KLHL1: variants seen among roughly 807,000 people sequenced by gnomAD.
The protein encoded by KLHL1 is kelch-like protein 1.
KLHL1 carries 47 observed loss-of-function variants against 77.7 expected under a neutral mutation model. That is an observed-to-expected ratio of 0.60 (90% CI 0.48 to 0.77). KLHL1 has a LOEUF of 0.77. Ranked by LOEUF, KLHL1 falls within the 30% of genes least tolerant of loss-of-function variation. KLHL1 has a pLI of 0.00. For missense variants in KLHL1, 925 were observed against 910.8 expected (o/e 1.02, Z -0.20); for synonymous variants, 360 against 325.2 (o/e 1.11, Z -1.15).
At chr13:69,789,513 C>T (rs2138024119) in intron 7 of KLHL1, among the ~76,000 whole-genome samples, 1 of 151,972 alleles carries the variant, frequency 6.6e-6, no homozygotes, top group African/African-American at 2.4e-5. Flanking sequence ...ACTTTTTGTA[C>T]AATTAAAATG....
chr13:69,966,334 C>T lies in KLHL1; in HGVS notation c.681-4890G>A, dbSNP rs576355932. On this transcript the variant is annotated intron_variant, in intron 2 of 10. Coordinates refer to ENST00000377844, the MANE Select transcript of KLHL1 (RefSeq NM_020866.3). Reference sequence around the variant, plus strand: ...AATCCTAGGGCTCTTAAGAATTACGCTAATTCTACTCAGCCAGTGCTTTAG... The same window carrying T: ...AATCCTAGGGCTCTTAAGAATTACGTTAATTCTACTCAGCCAGTGCTTTAG... Among the ~76,000 whole-genome samples, 5 of 152,200 alleles carry T rather than the reference C, an allele frequency of 3.3e-5. No homozygotes were observed. The South Asian group carries it at 6.2e-4, about 19-fold the overall frequency.
At chr13:69,996,289 G>A (rs923347841) in intron 1 of KLHL1, among the ~76,000 whole-genome samples, 1 of 151,518 alleles carries the variant, frequency 6.6e-6, no homozygotes, top group Admixed American at 6.6e-5. Flanking sequence ...GTGACACAGC[G>A]AGACTCCGTT....
intron 4 of KLHL1, among the ~76,000 whole-genome samples, chr13:69,898,503 T>G (rs916245237): frequency 6.6e-6 from 1 of 152,152 alleles, no homozygotes; most frequent in Non-Finnish European, 1.5e-5. Flanking sequence ...ACTCTTTGCT[T>G]TTGGATCTGA....
intron 5 of KLHL1, among the ~76,000 whole-genome samples, chr13:69,878,855 T>C (rs1880870985): frequency 6.6e-6 from 1 of 152,118 alleles, no homozygotes; most frequent in Non-Finnish European, 1.5e-5. Context: ...CCAACCCAGA[T>C]GTCCAACAAT....
chr13:70,034,993 C>T (rs2137371500), intron 1 of KLHL1, among the ~76,000 whole-genome samples: 1 of 152,128 alleles, frequency 6.6e-6, no homozygotes, highest in African/African-American at 2.4e-5. Flanking sequence ...TTTGTAGTTA[C>T]AAATATTAAT....
At chr13:69,740,652 C>A in intron 7 of KLHL1, 96 bp from the exon 8 acceptor site, 5 of 802,298 alleles carry the variant, frequency 6.2e-6, no homozygotes, top group South Asian at 3.5e-5. Flanking sequence ...TTAAGTGTCC[C>A]TAACATAATA....
rs369471818 is a variant in KLHL1 at position 70,094,393 on chromosome 13, T to TTATATATATATATATA, written c.497+12794_497+12809dup. Among the ~76,000 whole-genome samples, 342 of 137,188 alleles carry TTATATATATATATATA rather than the reference T, an allele frequency of 2.5e-3. 9 individuals carry two copies. The highest frequency in any genetic ancestry group is 6.4e-3 in the African/African-American group (202 of 31,642). The allele number at this position is 137,188 out of a possible 152,430, so 90.0% of individuals were successfully genotyped here. A position where few individuals can be genotyped will look rare whatever the true frequency, so the allele number is the denominator to read the frequency against. ...TGAAACAAATACAATGCAATCATCT[T>TTATATATATATATATA]TATATATATATATATATGAATATAT... is the stretch of plus-strand genomic sequence containing the variant. On this transcript the variant is annotated intron_variant, in intron 1 of 10. Transcript: ENST00000377844.
chr13:70,053,124 A>G (rs1045021133), intron 1 of KLHL1, among the ~76,000 whole-genome samples: 1 of 152,106 alleles, frequency 6.6e-6, no homozygotes, highest in Non-Finnish European at 1.5e-5. Flanking sequence ...GTAAATGGTG[A>G]AATTTAAGTG....
rs1370571617 is a variant in KLHL1, at chr13:69,847,324, C to T, written c.1228-8162G>A. ...AAGAAATATAAATTATAGCAACACC[C>T]TACTATACAGTTCACATCCAGAAAT... On this transcript the variant is annotated intron_variant, in intron 5 of 10. Transcript: ENST00000377844. Among the ~76,000 whole-genome samples the T allele has an allele frequency of 3.3e-5, 5 of 150,526 alleles. No homozygotes were observed. In the East Asian group the frequency reaches 9.7e-4, roughly 29 times the overall value.
At chr13:69,763,647 GTCACACTC>G (rs1424206129) in intron 7 of KLHL1, among the ~76,000 whole-genome samples, 7 of 152,136 alleles carry the variant, frequency 4.6e-5, no homozygotes, top group Admixed American at 1.3e-4. Context: ...CCCCGTTTTG[GTCACACTC>G]TCACCTAGGT....
chr13:69,999,295 C>T (rs892627920), intron 1 of KLHL1, among the ~76,000 whole-genome samples: 4 of 151,814 alleles, frequency 2.6e-5, no homozygotes, highest in African/African-American at 7.3e-5. Flanking sequence ...AGCATGATTA[C>T]CGGAAGGCGA....
intron 9 of KLHL1, among the ~76,000 whole-genome samples, chr13:69,710,975 C>T (rs1004866231): frequency 9.2e-5 from 14 of 151,924 alleles, no homozygotes; most frequent in East Asian, 1.9e-4. Context: ...CAGTATATAG[C>T]GGTTAAAATT....
chr13:69,909,328 A>T (rs1882156572), intron 4 of KLHL1, among the ~76,000 whole-genome samples: 1 of 151,924 alleles, frequency 6.6e-6, no homozygotes, highest in Admixed American at 6.6e-5. Context: ...CTACATTCAT[A>T]TAAATAATGT....
At position 69,767,123 on chromosome 13, in the gene KLHL1, A is replaced by G. The variant is rs988242183; in HGVS notation, c.1640-26567T>C. 4.6e-5 allele frequency among the ~76,000 whole-genome samples: 7 copies of G among 152,328 alleles called. No individual in the cohort carries two copies. In the East Asian group the frequency reaches 9.7e-4, roughly 21 times the overall value. On this transcript the variant is annotated intron_variant, in intron 7 of 10. Coordinates refer to ENST00000377844, the MANE Select transcript of KLHL1 (RefSeq NM_020866.3). ...ATCCTACTTTAACTTAATTATTGCT[A>G]TATTTATTAACTGCTTAATTACTAA...
chr13:70,036,071 A>T (rs1467142523), intron 1 of KLHL1, among the ~76,000 whole-genome samples: 4 of 151,934 alleles, frequency 2.6e-5, no homozygotes, highest in African/African-American at 9.7e-5. Flanking sequence ...GGAAATAATA[A>T]TCATACTTCT....
At chr13:70,037,062 C>A (rs1319413997) in intron 1 of KLHL1, among the ~76,000 whole-genome samples, 1 of 151,808 alleles carries the variant, frequency 6.6e-6, no homozygotes, top group Non-Finnish European at 1.5e-5. Context: ...TTGAGTATAA[C>A]CTTAGGGTAT....
Position 69,741,984 on chromosome 13 carries a change from C to T in KLHL1, c.1640-1428G>A, listed in dbSNP as rs562672978. Reference sequence around the variant, plus strand: ...GTAAGGCCAATTAGCAAACACAGATCGCTTATGATCCACCTACCCAATCTA... The same window carrying T: ...GTAAGGCCAATTAGCAAACACAGATTGCTTATGATCCACCTACCCAATCTA... On this transcript the variant is annotated intron_variant, in intron 7 of 10. Transcript: ENST00000377844. Among the ~76,000 whole-genome samples the T allele has an allele frequency of 3.9e-5, 6 of 152,242 alleles. No homozygotes were observed. The South Asian group carries it at 1.2e-3, about 32-fold the overall frequency.
At chr13:69,721,965 T>C (rs1386518509) in intron 8 of KLHL1, among the ~76,000 whole-genome samples, 2 of 152,112 alleles carry the variant, frequency 1.3e-5, no homozygotes, top group Non-Finnish European at 2.9e-5. Context: ...AAACACCTTA[T>C]GAAATCTGAA....
chr13:69,933,039 A>C lies in KLHL1; in HGVS notation c.1014+7001T>G, dbSNP rs138212526. 4.2e-3 allele frequency among the ~76,000 whole-genome samples: 634 copies of C among 152,124 alleles called. 4 individuals are homozygous for C. Among genetic ancestry groups the C allele is most frequent in the African/African-American group, 0.014 (577 of 41,550 alleles). Reference sequence around the variant, plus strand: ...AAATTTCCTTTGTACCCAGCCTGCCACATTTTTACTTAGTTCTTTTCAACA... The same window carrying C: ...AAATTTCCTTTGTACCCAGCCTGCCCCATTTTTACTTAGTTCTTTTCAACA... On this transcript the variant is annotated intron_variant, in intron 4 of 10. Coordinates refer to ENST00000377844, the MANE Select transcript of KLHL1 (RefSeq NM_020866.3).
Sources: gnomAD v4.1 joint callset for allele counts (sites outside exome capture counted in the v4.1 genomes callset) on GRCh38, gnomAD v4.1.1 for gene constraint, MANE v1.5 for transcripts, NCBI Gene and HGNC (gene_info 2026-07-23, HGNC 2026-07-21) for gene names.